The following DNAJC13 variants were observed in gnomAD, a reference collection of about 807,000 sequenced individuals.
DNAJC13 encodes dnaJ homolog subfamily C member 13.
DNAJC13 carries 75 observed loss-of-function variants against 290.5 expected under a neutral mutation model. That is an observed-to-expected ratio of 0.26 (90% CI 0.21 to 0.31). The LOEUF is 0.31. DNAJC13 is among the 10% of genes least tolerant of loss of function. The pLI is 1.00. For missense variants in DNAJC13, 2,260 were observed against 2,674.5 expected, an observed-to-expected ratio of 0.85 and a Z score of 3.42; for synonymous variants, 862 against 892.0, an observed-to-expected ratio of 0.97 and a Z score of 0.60.
At chr3:132,418,360 G>T (rs985661958) in intron 1 of DNAJC13, among the ~76,000 whole-genome samples, 1 of 152,140 alleles carries the variant, frequency 6.6e-6, no homozygotes, top group Non-Finnish European at 1.5e-5. Flanking sequence ...CTTTGAATGT[G>T]GCCTTTGGAG....
intron 24 of DNAJC13, 45 bp downstream of exon 24, chr3:132,478,185 G>C (rs1450592485): frequency 6.7e-7 from 1 of 1,492,864 alleles, no homozygotes; most frequent in Non-Finnish European, 9.0e-7. Flanking sequence ...AGTGTCACTA[G>C]GGTATGTGTT....
At chr3:132,515,359 A>G (rs1001707483) in intron 46 of DNAJC13, among the ~76,000 whole-genome samples, 10 of 152,184 alleles carry the variant, frequency 6.6e-5, no homozygotes, top group Non-Finnish European at 1.2e-4. Context: ...AAGAGAAGGA[A>G]CCGTGTCGTT....
chr3:132,469,499 A>G (rs1934111085), intron 20 of DNAJC13, among the ~76,000 whole-genome samples: 1 of 152,186 alleles, frequency 6.6e-6, no homozygotes, highest in Non-Finnish European at 1.5e-5. Flanking sequence ...CAATTCAGTC[A>G]CTTAGTTTAT....
Position 132,537,165 on chromosome 3 carries a change from T to C in DNAJC13, c.6626-1011T>C, listed in dbSNP as rs985802314. ...TTTCTTTTTTCCCCTCAGGTGTCTC[T>C]CCTTCCCTTCTAACTGGCAGCAGCC... On this transcript the variant is annotated intron_variant, in intron 55 of 55. Transcript: ENST00000260818. 5 of 456,170 alleles carry C rather than the reference T, an allele frequency of 1.1e-5. 1 individual carries two copies. The highest frequency in any genetic ancestry group is 1.0e-4 in the African/African-American group (5 of 50,076). 28.3% of individuals were successfully genotyped at this position (456,170 alleles called of 1,614,324 possible). A position where few individuals can be genotyped will look rare whatever the true frequency, so the allele number is the denominator to read the frequency against.
In DNAJC13 at chr3:132,467,212, C is replaced by T. The variant is rs996111893; in HGVS notation, c.2107C>T (p.Leu703=). Residue 703 remains leucine (L), a synonymous_variant, in exon 20 of 56, where the codon CTA becomes TTA. Coordinates refer to ENST00000260818, the MANE Select transcript of DNAJC13 (RefSeq NM_015268.4). The part of the protein sequence containing the change: ...KFNKVPEWQR[L]AGKAAKEVEK... ...TAATAAAGTTCCAGAGTGGCAAAGA[C>T]TAGCTGGAAAAGCTGCTAAAGAAGT... The T allele has an allele frequency of 1.9e-6, 3 of 1,613,564 alleles. No individual in the cohort carries two copies. Among genetic ancestry groups the T allele is most frequent in the Non-Finnish European group, 2.5e-6 (3 of 1,179,834 alleles).
intron 48 of DNAJC13, among the ~76,000 whole-genome samples, chr3:132,518,494 A>C (rs922442563): frequency 6.6e-6 from 1 of 152,090 alleles, no homozygotes; most frequent in Non-Finnish European, 1.5e-5. Flanking sequence ...CTGGCACTAC[A>C]GGCACGCACC....
chr3:132,439,037 T>C (rs904293272), intron 2 of DNAJC13, among the ~76,000 whole-genome samples: 1 of 152,222 alleles, frequency 6.6e-6, no homozygotes, highest in Non-Finnish European at 1.5e-5. Flanking sequence ...CAGAGTGATA[T>C]TCAAGGTACA....
chr3:132,453,477 A>T lies in DNAJC13; in HGVS notation c.717A>T (p.Val239=). 4 of 1,613,940 alleles carry T rather than the reference A, an allele frequency of 2.5e-6. No individual in the cohort carries two copies. The highest frequency in any genetic ancestry group is 3.4e-6 in the Non-Finnish European group (4 of 1,179,896). ...CCATCACATCTTTAGCAGAGTTTGTAGTCCAAAAAATATCACCTAGACATT... is the reference window on the plus strand; with the variant it reads ...CCATCACATCTTTAGCAGAGTTTGTTGTCCAAAAAATATCACCTAGACATT... ...DESITSLAEF[V]VQKISPRHSE... Residue 239 remains valine (V), a synonymous_variant, in exon 7 of 56, where the codon GTA becomes GTT. Transcript: ENST00000260818.
rs145089036 is a variant in DNAJC13, at chr3:132,535,198, G to T, written c.6626-2978G>T. Among the ~76,000 whole-genome samples, 394 of 152,312 alleles carry T rather than the reference G, an allele frequency of 2.6e-3. 3 individuals are homozygous for T. Among genetic ancestry groups the T allele is most frequent in the African/African-American group, 8.5e-3 (352 of 41,554 alleles). On this transcript the variant is annotated intron_variant, in intron 55 of 55. Coordinates refer to ENST00000260818, the MANE Select transcript of DNAJC13 (RefSeq NM_015268.4). The stretch of plus-strand genomic sequence containing the variant: ...GGAGTTAATTACTACTTCAAAGTAA[G>T]ATAAAAATGACCAAAACTACGTTTT...
At chr3:132,477,152 A>G (rs1934498720) in intron 22 of DNAJC13, among the ~76,000 whole-genome samples, 1 of 152,242 alleles carries the variant, frequency 6.6e-6, no homozygotes, top group Non-Finnish European at 1.5e-5. Flanking sequence ...ATTTGGTTTT[A>G]TATAATTTAT....
chr3:132,463,977 G>A (rs1198037265), intron 17 of DNAJC13, among the ~76,000 whole-genome samples, 160 bp downstream of exon 17: 1 of 152,148 alleles, frequency 6.6e-6, no homozygotes, highest in East Asian at 1.9e-4. Flanking sequence ...TTGCCCAAGT[G>A]ATCACTGTCC....
At chr3:132,435,567 A>G (rs1471489264) in intron 2 of DNAJC13, among the ~76,000 whole-genome samples, 1 of 152,164 alleles carries the variant, frequency 6.6e-6, no homozygotes, top group Non-Finnish European at 1.5e-5. Flanking sequence ...TTGTTGTCTA[A>G]TAGCTCAATT....
intron 22 of DNAJC13, among the ~76,000 whole-genome samples, chr3:132,477,004 G>T (rs1005619509): frequency 6.6e-6 from 1 of 152,152 alleles, no homozygotes; most frequent in African/African-American, 2.4e-5. Flanking sequence ...GGCTTCACCT[G>T]TGAGCCTAGA....
chr3:132,451,716 A>G (rs1438718678), intron 6 of DNAJC13, among the ~76,000 whole-genome samples: 1 of 152,176 alleles, frequency 6.6e-6, no homozygotes, highest in African/African-American at 2.4e-5. Context: ...AGTGTTTTGT[A>G]GATAAAATAT....
At chr3:132,427,259 C>G (rs539164240) in intron 1 of DNAJC13, among the ~76,000 whole-genome samples, 1 of 151,714 alleles carries the variant, frequency 6.6e-6, no homozygotes, top group Non-Finnish European at 1.5e-5. Context: ...CCTCAGCCCC[C>G]CAAGTAGCTG....
At chr3:132,480,261 C>T (rs2107694728) in intron 25 of DNAJC13, 108 bp from the exon 26 acceptor site, 1 of 593,022 alleles carries the variant, frequency 1.7e-6, no homozygotes, top group East Asian at 3.0e-5. Context: ...ACATTCTTTT[C>T]TTCGAGGACC....
At position 132,538,236 on chromosome 3, in the gene DNAJC13, C is replaced by T. The variant is rs767084522; in HGVS notation, c.6686C>T (p.Pro2229Leu). 1 of 1,613,940 alleles carries T rather than the reference C, an allele frequency of 6.2e-7. No homozygotes were observed. Among genetic ancestry groups the T allele is most frequent in the East Asian group, 2.2e-5 (1 of 44,868 alleles). The change falls in exon 56 of 56, where the codon CCA becomes CTA. Residue 2229 changes from proline (P) to leucine (L), a missense_variant. Pro to Leu is a moderately conservative substitution (Grantham distance 98). Coordinates refer to ENST00000260818, the MANE Select transcript of DNAJC13 (RefSeq NM_015268.4). ...TCTACATCAGTCATGTCTAACCTGC[C>T]ACCTCCTGTAGACCATGAGGCAGGC... ...GTSTSVMSNL[P>L]PPVDHEAGDL... is the part of the protein sequence containing the mutation.
Position 132,506,541 on chromosome 3 carries a change from C to CTTT in DNAJC13, c.4999-669_4999-667dup, listed in dbSNP as rs34151394. ...TTTAGCACTTTTGTTCAGTGTATTA[C>CTTT]TTTTTTTTTTTTTTTTTTTTTTTTT... On this transcript the variant is annotated intron_variant, in intron 42 of 55. Coordinates refer to ENST00000260818, the MANE Select transcript of DNAJC13 (RefSeq NM_015268.4). 2.2e-3 allele frequency among the ~76,000 whole-genome samples: 123 copies of CTTT among 54,754 alleles called. 41 individuals are homozygous for CTTT. The highest frequency in any genetic ancestry group is 0.028 in the Middle Eastern group (2 of 72). 35.9% of individuals were successfully genotyped at this position (54,754 alleles called of 152,430 possible).
intron 29 of DNAJC13, among the ~76,000 whole-genome samples, chr3:132,485,105 G>A (rs1934811922): frequency 6.6e-6 from 1 of 151,620 alleles, no homozygotes; most frequent in Non-Finnish European, 1.5e-5. Context: ...GAAAAGGCCT[G>A]TACTTTGAAT....
Sources: gnomAD v4.1 joint callset for allele counts (sites outside exome capture counted in the v4.1 genomes callset) on GRCh38, gnomAD v4.1.1 for gene constraint, MANE v1.5 for transcripts, NCBI Gene and HGNC (gene_info 2026-07-23, HGNC 2026-07-21) for gene names.